Variants in NCOA7 observed in about 807,000 individuals in gnomAD.
NCOA7 encodes the protein nuclear receptor coactivator 7, also known as 140 kDa estrogen receptor-associated protein.
In NCOA7, 45 loss-of-function variants were observed where a neutral mutation model predicts 104.3. The ratio of observed to expected loss-of-function variants is 0.43; its 90% confidence interval spans 0.34 to 0.55. The LOEUF (loss-of-function observed/expected upper bound fraction) is 0.55, where lower values mean the gene tolerates loss of function less well. NCOA7 is among the 20% of genes least tolerant of loss of function. The pLI, the probability that NCOA7 is intolerant of heterozygous loss-of-function variation, is 0.02. For synonymous variants in NCOA7, 398 were observed against 402.3 expected (o/e 0.99, Z 0.13); for missense variants, 1,041 against 1,119.7 (o/e 0.93, Z 1.00).
chr6:125,888,157 A>G (rs932086517), intron 8 of NCOA7, among the ~76,000 whole-genome samples: 1 of 152,246 alleles, frequency 6.6e-6, no homozygotes, highest in African/African-American at 2.4e-5. Flanking sequence ...TCCCAGGACA[A>G]TATGTTTCAG....
rs909169424 is a variant in NCOA7, at chr6:125,863,260, C to T, written c.271+8020C>T. ...ACACTCCTTTCCTGACCTCTCACAG[C>T]CCCAGCACTCTAATTAACACAATAT... On this transcript the variant is annotated intron_variant, in intron 3 of 15. Coordinates refer to ENST00000392477, the MANE Select transcript of NCOA7 (RefSeq NM_181782.5). Among the ~76,000 whole-genome samples the T allele has an allele frequency of 2.2e-5, 3 of 137,932 alleles. 1 individual carries two copies. The East Asian group carries it at 6.3e-4, about 29-fold the overall frequency. 90.5% of individuals were successfully genotyped at this position (137,932 alleles called of 152,430 possible). A position where few individuals can be genotyped will look rare whatever the true frequency, so the allele number is the denominator to read the frequency against.
intron 2 of NCOA7, among the ~76,000 whole-genome samples, chr6:125,852,192 TTTTG>T (rs1267724106): frequency 7.9e-5 from 12 of 152,078 alleles, no homozygotes; most frequent in Non-Finnish European, 1.5e-4. Flanking sequence ...GGAAGAGTTT[TTTTG>T]TTTGTTTGTT....
At chr6:125,851,074 C>T (rs751713964) in intron 2 of NCOA7, among the ~76,000 whole-genome samples, 44 of 152,118 alleles carry the variant, frequency 2.9e-4, no homozygotes, top group Admixed American at 4.6e-4. Flanking sequence ...TTATGAGTCT[C>T]CAATTGTTTG....
chr6:125,873,193 G>T (rs897139163), intron 3 of NCOA7, among the ~76,000 whole-genome samples: 1 of 152,010 alleles, frequency 6.6e-6, no homozygotes, highest in African/African-American at 2.4e-5. Context: ...CAGACATAGG[G>T]GGCTGAGTTA....
chr6:125,881,285 A>G lies in NCOA7; in HGVS notation c.573+82A>G, dbSNP rs569270835. On this transcript the variant is annotated intron_variant, in intron 6 of 15. Transcript: ENST00000392477. ...AGAATTCAACATGTTATTTTTCACA[A>G]GATTACATCTGAAATTCTCCCTAGA... 142 of 1,003,402 alleles carry G rather than the reference A, an allele frequency of 1.4e-4. 1 individual carries two copies. Among genetic ancestry groups the G allele is most frequent in the South Asian group, 4.7e-4 (35 of 74,210 alleles). The allele number at this position is 1,003,402 out of a possible 1,614,324, so 62.2% of individuals were successfully genotyped here. A position where few individuals can be genotyped will look rare whatever the true frequency, so the allele number is the denominator to read the frequency against.
At chr6:125,840,244 A>G (rs1376299761) in intron 2 of NCOA7, among the ~76,000 whole-genome samples, 1 of 152,136 alleles carries the variant, frequency 6.6e-6, no homozygotes, top group Non-Finnish European at 1.5e-5. Flanking sequence ...AAGCATATAA[A>G]GAAAATATTT....
intron 1 of NCOA7, among the ~76,000 whole-genome samples, chr6:125,801,098 A>T (rs1775847425): frequency 6.6e-6 from 1 of 152,240 alleles, no homozygotes; most frequent in African/African-American, 2.4e-5. Context: ...GAAACTTAGC[A>T]GTATGAGTTT....
chr6:125,812,694 A>G (rs1777140038), intron 1 of NCOA7, among the ~76,000 whole-genome samples: 1 of 152,236 alleles, frequency 6.6e-6, no homozygotes, highest in Non-Finnish European at 1.5e-5. Flanking sequence ...CAACTCCACT[A>G]TCCCATAGCC....
rs138681449 is a variant in NCOA7 at position 125,855,818 on chromosome 6, G to A, written c.271+578G>A. 6.5e-3 allele frequency among the ~76,000 whole-genome samples: 983 copies of A among 152,082 alleles called. 6 individuals carry two copies. Among genetic ancestry groups the A allele is most frequent in the Non-Finnish European group, 9.0e-3 (611 of 67,984 alleles). On this transcript the variant is annotated intron_variant, in intron 3 of 15. Coordinates refer to ENST00000392477, the MANE Select transcript of NCOA7 (RefSeq NM_181782.5). Reference sequence around the variant, plus strand: ...CCTGCCCCAGCCTCCCAAGTAGCTGGGATTACAGGTGCCCACCACCATGCC... The same window carrying A: ...CCTGCCCCAGCCTCCCAAGTAGCTGAGATTACAGGTGCCCACCACCATGCC...
intron 10 of NCOA7, among the ~76,000 whole-genome samples, chr6:125,911,751 G>A (rs893454127): frequency 2.0e-5 from 3 of 152,160 alleles, no homozygotes; most frequent in African/African-American, 7.2e-5. Context: ...GTCGGTCTTC[G>A]TTCCATCTTC....
At chr6:125,818,013 G>T (rs764957661) in intron 2 of NCOA7, among the ~76,000 whole-genome samples, 5 of 150,252 alleles carry the variant, frequency 3.3e-5, no homozygotes, top group Non-Finnish European at 7.4e-5. Context: ...CTTTCTTCCT[G>T]CTCCTCTTCC....
At chr6:125,781,687 A>G (rs1057080376) in intron 1 of NCOA7, among the ~76,000 whole-genome samples, 2 of 152,230 alleles carry the variant, frequency 1.3e-5, no homozygotes, top group Admixed American at 6.5e-5. Flanking sequence ...AGCAGATATT[A>G]GTTTAAATTT....
intron 10 of NCOA7, among the ~76,000 whole-genome samples, chr6:125,911,640 TA>T (rs1450407256): frequency 2.6e-5 from 4 of 152,200 alleles, no homozygotes; most frequent in Admixed American, 1.3e-4. Flanking sequence ...TCATGCTGAA[TA>T]GGGGCAATGA....
At chr6:125,918,432 C>G (rs952963299) in intron 11 of NCOA7, among the ~76,000 whole-genome samples, 3 of 152,182 alleles carry the variant, frequency 2.0e-5, no homozygotes, top group African/African-American at 7.2e-5. Flanking sequence ...GGACTGGTCT[C>G]TAAGTATCTG....
intron 10 of NCOA7, among the ~76,000 whole-genome samples, chr6:125,910,480 T>G (rs1302249595): frequency 6.6e-6 from 1 of 152,228 alleles, no homozygotes; most frequent in Non-Finnish European, 1.5e-5. Context: ...GATTTATAAT[T>G]GTATCTTTGT....
At position 125,889,911 on chromosome 6, in the gene NCOA7, A is replaced by G. The variant is rs752552826; in HGVS notation, c.1857A>G (p.Gln619=). The change falls in exon 9 of 16, where the codon CAA becomes CAG. Residue 619 remains glutamine, a synonymous_variant. Coordinates refer to ENST00000392477, the MANE Select transcript of NCOA7 (RefSeq NM_181782.5). ...SLESTLDNSC[Q]GAQMDNKSEV... is the part of the protein sequence containing the mutation. ...AATCTACTCTGGACAACAGCTGTCAAGGTGCACAAATGGATAATAAATCTG... is the reference window on the plus strand; with the variant it reads ...AATCTACTCTGGACAACAGCTGTCAGGGTGCACAAATGGATAATAAATCTG... 3.8e-6 allele frequency: 6 copies of G among 1,594,808 alleles called. No homozygotes were observed. The highest frequency in any genetic ancestry group is 3.7e-5 in the Admixed American group (2 of 54,652).
At chr6:125,808,579 CCTCT>C (rs1230756572) in intron 1 of NCOA7, among the ~76,000 whole-genome samples, 1 of 152,156 alleles carries the variant, frequency 6.6e-6, no homozygotes, top group Non-Finnish European at 1.5e-5. Flanking sequence ...CAGCTCCCTC[CCTCT>C]GTTTTCTTAC....
rs770648833 is a variant in NCOA7, at chr6:125,889,823, C to A, written c.1769C>A (p.Pro590Gln). 4 of 1,613,218 alleles carry A rather than the reference C, an allele frequency of 2.5e-6. No individual in the cohort carries two copies. Among genetic ancestry groups the A allele is most frequent in the Non-Finnish European group, 3.4e-6 (4 of 1,179,790 alleles). Reference protein sequence around the residue: ...KTWVKKGEPLPVKLNSSTEAN... With the variant: ...KTWVKKGEPLQVKLNSSTEAN... ...TGGGTGAAAAAGGGAGAGCCCCTCCCGGTAAAACTGAACTCTTCTACAGAA... is the reference window on the plus strand; with the variant it reads ...TGGGTGAAAAAGGGAGAGCCCCTCCAGGTAAAACTGAACTCTTCTACAGAA... The change falls in exon 9 of 16, where the codon CCG becomes CAG. Residue 590 changes from proline (P) to glutamine (Q), a missense_variant. Physicochemically the swap from Pro to Gln is moderately conservative, Grantham distance 76. Around this residue, in one of 2 missense-constraint regions of NCOA7, gnomAD observed 914 missense variants for 942.7 expected, o/e 0.97. Transcript: ENST00000392477.
intron 10 of NCOA7, among the ~76,000 whole-genome samples, chr6:125,892,128 T>C (rs986794182): frequency 6.6e-6 from 1 of 152,206 alleles, no homozygotes; most frequent in Non-Finnish European, 1.5e-5. Flanking sequence ...TCAGTTACAT[T>C]GTGGGTTGTG....
Sources: allele counts gnomAD v4.1 joint callset (sites outside exome capture counted in the v4.1 genomes callset), GRCh38; gene constraint gnomAD v4.1.1; regional missense constraint gnomAD v4.1.1; transcripts MANE v1.5; gene names NCBI Gene and HGNC (gene_info 2026-07-23, HGNC 2026-07-21).